Variants in MRTFB observed in about 807,000 individuals in gnomAD.
MRTFB encodes the protein myocardin related transcription factor B.
A neutral mutation model predicts 104.2 loss-of-function variants in MRTFB; 29 were observed. The observed-to-expected ratio is 0.28, with a 90% CI of 0.21 to 0.38. The LOEUF (loss-of-function observed/expected upper bound fraction) is 0.38, where lower values mean the gene tolerates loss of function less well. MRTFB is among the 10% of genes least tolerant of loss of function. MRTFB has a pLI of 1.00. For missense variants in MRTFB, 1,270 were observed against 1,341.6 expected, an observed-to-expected ratio of 0.95 and a Z score of 0.83; for synonymous variants, 535 against 519.5, an observed-to-expected ratio of 1.03 and a Z score of -0.41.
At chr16:14,098,078 C>T (rs1473324223) in intron 2 of MRTFB, among the ~76,000 whole-genome samples, 1 of 152,152 alleles carries the variant, frequency 6.6e-6, no homozygotes, top group Non-Finnish European at 1.5e-5. Flanking sequence ...ATATGCAAGT[C>T]TTCGTATGGA....
chr16:14,082,021 C>G (rs945671000), intron 2 of MRTFB, among the ~76,000 whole-genome samples: 2 of 152,164 alleles, frequency 1.3e-5, no homozygotes, highest in African/African-American at 2.4e-5. Context: ...GCTTTCTTTG[C>G]TATACAGAAG....
the MRTFB span, among the ~76,000 whole-genome samples, chr16:13,994,859 C>G: frequency 6.6e-6 from 1 of 152,142 alleles, no homozygotes; most frequent in East Asian, 1.9e-4. Context: ...TGAGACGACC[C>G]GTAAACCCCT....
chr16:14,127,627 A>T (rs1426390176), intron 2 of MRTFB, among the ~76,000 whole-genome samples: 1 of 147,676 alleles, frequency 6.8e-6, no homozygotes, highest in Non-Finnish European at 1.5e-5. Flanking sequence ...TGGGGGACAG[A>T]GCGAGACTCT....
chr16:14,213,762 C>G, intron 6 of MRTFB, 142 bp downstream of exon 6: 3 of 567,712 alleles, frequency 5.3e-6, no homozygotes, highest in Non-Finnish European at 9.0e-6. Flanking sequence ...ACATGAAGAC[C>G]CAAAACTAAA....
chr16:13,999,633 G>C, the MRTFB span, among the ~76,000 whole-genome samples: 1 of 152,142 alleles, frequency 6.6e-6, no homozygotes. Context: ...AACTGTTAGG[G>C]GCTGTGGGGG....
chr16:14,165,361 G>C (rs1434768526), intron 3 of MRTFB, among the ~76,000 whole-genome samples: 5 of 152,152 alleles, frequency 3.3e-5, no homozygotes, highest in Non-Finnish European at 7.3e-5. Flanking sequence ...GTGCCCCAGA[G>C]ATGGCTGAGT....
chr16:14,111,899 G>T (rs2036287530), intron 2 of MRTFB, among the ~76,000 whole-genome samples: 1 of 152,192 alleles, frequency 6.6e-6, no homozygotes, highest in Non-Finnish European at 1.5e-5. Flanking sequence ...ACCCACCTGG[G>T]TGTGTGCTTG....
intron 3 of MRTFB, among the ~76,000 whole-genome samples, chr16:14,187,494 T>C (rs749681117): frequency 7.2e-5 from 11 of 152,252 alleles, no homozygotes; most frequent in Non-Finnish European, 1.5e-4. Context: ...GTAGCTAGCT[T>C]TTAAATCCTA....
rs867848415 is a variant in MRTFB, at chr16:14,099,200, C to T, written c.-64+19846C>T. Among the ~76,000 whole-genome samples the T allele has an allele frequency of 3.3e-5, 5 of 151,974 alleles. No homozygotes were observed. The South Asian group carries it at 6.2e-4, about 19-fold the overall frequency. On this transcript the variant is annotated intron_variant, in intron 2 of 16. Coordinates refer to ENST00000571589, the MANE Select transcript of MRTFB (RefSeq NM_001308142.2). ...AACATTAAGTCTGGGTCTTCCAAACCAAGAACATGTTATTTCTCTCAATTT... is the reference window on the plus strand; with the variant it reads ...AACATTAAGTCTGGGTCTTCCAAACTAAGAACATGTTATTTCTCTCAATTT...
At chr16:14,095,030 AC>A (rs2035284738) in intron 2 of MRTFB, among the ~76,000 whole-genome samples, 1 of 152,212 alleles carries the variant, frequency 6.6e-6, no homozygotes, top group African/African-American at 2.4e-5. Context: ...TGGTTAGGGC[AC>A]CCCGTAGGTC....
At position 14,193,210 on chromosome 16, in the gene MRTFB, CAAAAAAAAAAAAAA is replaced by C. The variant is rs10616011; in HGVS notation, c.155-17017_155-17004del. Among the ~76,000 whole-genome samples the C allele has an allele frequency of 5.5e-4, 31 of 56,444 alleles. No homozygotes were observed. In the South Asian group the frequency reaches 7.2e-3, roughly 13 times the overall value. 37.0% of individuals were successfully genotyped at this position (56,444 alleles called of 152,430 possible). On this transcript the variant is annotated intron_variant, in intron 3 of 16. Coordinates refer to ENST00000571589, the MANE Select transcript of MRTFB (RefSeq NM_001308142.2). ...CCTGGGCAACAGTGAGACCCTGTCTCAAAAAAAAAAAAAAAAAAAAAAAAAAAAAGAATGATCAT... is the reference window on the plus strand; with the variant it reads ...CCTGGGCAACAGTGAGACCCTGTCTCAAAAAAAAAAAAAAAGAATGATCAT...
intron 2 of MRTFB, among the ~76,000 whole-genome samples, chr16:14,090,879 GGTGTGTGTGTGTGTGTGT>G (rs55685117): frequency 7.8e-5 from 11 of 141,786 alleles, no homozygotes; most frequent in South Asian, 2.4e-4. Flanking sequence ...AGTTCAGCAT[GGTGTGTGTGTGTGTGTGT>G]GTGTGTGTGT....
At chr16:14,229,690 T>TC (rs1385050614) in intron 8 of MRTFB, among the ~76,000 whole-genome samples, 1 of 152,194 alleles carries the variant, frequency 6.6e-6, no homozygotes, top group Non-Finnish European at 1.5e-5. Flanking sequence ...AGCAAAGCTT[T>TC]CCTGTAGCCA....
chr16:14,252,290 C>T, intron 14 of MRTFB, 75 bp from the exon 15 acceptor site: 1 of 1,558,454 alleles, frequency 6.4e-7, no homozygotes. Flanking sequence ...TAGAGAACAG[C>T]AGAGCCGAGT....
At chr16:14,203,802 T>TC (rs1365271424) in intron 3 of MRTFB, among the ~76,000 whole-genome samples, 6 of 87,364 alleles carry the variant, frequency 6.9e-5, no homozygotes, top group Admixed American at 1.6e-4. Flanking sequence ...AGACTCTGTC[T>TC]CGAAAAAAAA....
chr16:14,213,056 T>C (rs949933607), intron 5 of MRTFB, among the ~76,000 whole-genome samples: 1 of 152,254 alleles, frequency 6.6e-6, no homozygotes, highest in African/African-American at 2.4e-5. Flanking sequence ...AATGATTTCT[T>C]ACAGTCTTAT....
At position 14,261,571 on chromosome 16, in the gene MRTFB, G is replaced by C; in HGVS notation, c.*127G>C. On this transcript the variant is annotated 3_prime_UTR_variant, in exon 17 of 17. Coordinates refer to ENST00000571589, the MANE Select transcript of MRTFB (RefSeq NM_001308142.2). The stretch of plus-strand genomic sequence containing the variant: ...AAATATGTTGTCACAGAAAGAATAG[G>C]TGGAAGGTCATAGCCTGGAACCCAA... The C allele has an allele frequency of 9.9e-7, 1 of 1,008,782 alleles. No homozygotes were observed. 62.5% of individuals were successfully genotyped at this position (1,008,782 alleles called of 1,614,324 possible).
rs1567355831 is a variant in MRTFB, at chr16:14,127,922, TA to T, written c.-63-12621del. ...CTGAATATATATATATATATATATATATATATATTTTTTTTTTTTTTTTTTT... is the reference window on the plus strand; with the variant it reads ...CTGAATATATATATATATATATATATTATATATTTTTTTTTTTTTTTTTTT... On this transcript the variant is annotated intron_variant, in intron 2 of 16. Coordinates refer to ENST00000571589, the MANE Select transcript of MRTFB (RefSeq NM_001308142.2). Among the ~76,000 whole-genome samples the T allele has an allele frequency of 4.8e-4, 21 of 43,574 alleles. No individual in the cohort carries two copies. The African/African-American group carries it at 5.9e-3, about 12-fold the overall frequency. The allele number at this position is 43,574 out of a possible 152,430, so 28.6% of individuals were successfully genotyped here.
Position 14,140,774 on chromosome 16 carries a change from G to A in MRTFB, c.154+14G>A. ...AAAGGAAAAATGGTGAGTTCAGCAT[G>A]TGCAATGGGATCTTTGATTTAAAGA... On this transcript the variant is annotated intron_variant, in intron 3 of 16. Transcript: ENST00000571589. The A allele has an allele frequency of 6.2e-7, 1 of 1,613,930 alleles. No individual in the cohort carries two copies. The highest frequency in any genetic ancestry group is 8.5e-7 in the Non-Finnish European group (1 of 1,179,916).
Sources: gnomAD v4.1 joint callset for allele counts (sites outside exome capture counted in the v4.1 genomes callset) on GRCh38, gnomAD v4.1.1 for gene constraint, MANE v1.5 for transcripts, NCBI Gene and HGNC (gene_info 2026-07-23, HGNC 2026-07-21) for gene names.